PDLIM5: variants seen among roughly 807,000 people sequenced by gnomAD.
The protein encoded by PDLIM5 is PDZ and LIM domain 5, also known as PDZ and LIM domain protein 5.
PDLIM5 carries 34 observed loss-of-function variants against 64.2 expected under a neutral mutation model. The ratio of observed to expected loss-of-function variants is 0.53; its 90% CI spans 0.40 to 0.71. The LOEUF is 0.71. Ranked by LOEUF, PDLIM5 falls within the 30% of genes least tolerant of loss-of-function variation. The probability of loss-of-function intolerance (pLI) is 0.00; values close to 1 mark genes in which losing one functional copy is unlikely to be tolerated. For synonymous variants in PDLIM5, 253 were observed against 269.1 expected (o/e 0.94, Z 0.59); for missense variants, 683 against 733.6 (o/e 0.93, Z 0.80).
intron 7 of PDLIM5, among the ~76,000 whole-genome samples, chr4:94,586,706 C>T (rs112948587): frequency 6.6e-6 from 1 of 152,094 alleles, no homozygotes; most frequent in Non-Finnish European, 1.5e-5. Flanking sequence ...GGGTGCTTTG[C>T]TAACAATACA....
rs1237099361 is a variant in PDLIM5, at chr4:94,582,486, A to G, written c.711-3079A>G. On this transcript the variant is annotated intron_variant, in intron 5 of 12. Transcript: ENST00000317968. ...ACTGTTGTCTTGATTATAACAGTGT[A>G]GTAGAATTTTTACTAACATTTGTTC... 5 of 483,144 alleles carry G rather than the reference A, an allele frequency of 1.0e-5. No homozygotes were observed. The East Asian group carries it at 1.7e-4, about 16-fold the overall frequency. 29.9% of individuals were successfully genotyped at this position (483,144 alleles called of 1,614,324 possible).
chr4:94,522,103 T>C (rs1729881220), intron 2 of PDLIM5, among the ~76,000 whole-genome samples: 1 of 152,164 alleles, frequency 6.6e-6, no homozygotes. Flanking sequence ...TGAGATCGTC[T>C]AGTGCAGGCC....
chr4:94,631,873 T>C (rs1052850987), intron 8 of PDLIM5, among the ~76,000 whole-genome samples: 35 of 152,220 alleles, frequency 2.3e-4, no homozygotes, highest in Non-Finnish European at 4.9e-4. Flanking sequence ...TGCTGTACTT[T>C]CCCTGAAACA....
At chr4:94,495,459 TAAC>T (rs1285678073) in intron 2 of PDLIM5, among the ~76,000 whole-genome samples, 1 of 152,062 alleles carries the variant, frequency 6.6e-6, no homozygotes, top group African/African-American at 2.4e-5. Flanking sequence ...ATGTTGACCT[TAAC>T]AACATCTCCT....
intron 3 of PDLIM5, among the ~76,000 whole-genome samples, chr4:94,528,532 A>T (rs1730576699): frequency 6.6e-6 from 1 of 152,122 alleles, no homozygotes; most frequent in Non-Finnish European, 1.5e-5. Context: ...TTTGTATTTG[A>T]TAGCATCTTG....
chr4:94,500,809 A>T (rs1578260634), intron 2 of PDLIM5, among the ~76,000 whole-genome samples: 1 of 151,036 alleles, frequency 6.6e-6, no homozygotes, highest in Admixed American at 6.6e-5. Context: ...ATTTTTAGAC[A>T]GAATCTGGCT....
rs1043848 is a variant in PDLIM5 at position 94,666,524 on chromosome 4, T to C, written c.*2457T>C. ...GTACACTGTCACATCTTTACAGTCT[T>C]GTATGTTATAGAATACAAAATAAGT... On this transcript the variant is annotated 3_prime_UTR_variant, in exon 13 of 13. Coordinates refer to ENST00000317968, the MANE Select transcript of PDLIM5 (RefSeq NM_006457.5). 0.32 allele frequency: 48,375 copies of C among 153,138 alleles called. 7,836 individuals carry two copies. The highest frequency in any genetic ancestry group is 0.36 in the Non-Finnish European group (24,426 of 68,404). 9.5% of individuals were successfully genotyped at this position (153,138 alleles called of 1,614,324 possible). A position where few individuals can be genotyped will look rare whatever the true frequency, so the allele number is the denominator to read the frequency against.
At chr4:94,499,358 CAT>C (rs1560657920) in intron 2 of PDLIM5, among the ~76,000 whole-genome samples, 1 of 151,838 alleles carries the variant, frequency 6.6e-6, no homozygotes, top group East Asian at 1.9e-4. Flanking sequence ...TTGAATAAGT[CAT>C]ATATTCATAA....
chr4:94,525,385 T>G (rs1486621126), intron 3 of PDLIM5, among the ~76,000 whole-genome samples: 1 of 151,878 alleles, frequency 6.6e-6, no homozygotes, highest in Non-Finnish European at 1.5e-5. Context: ...GCCACTGCAC[T>G]CCAGCCTGGG....
At chr4:94,650,455 C>T (rs1183617252) in intron 9 of PDLIM5, among the ~76,000 whole-genome samples, 1 of 152,052 alleles carries the variant, frequency 6.6e-6, no homozygotes, top group Non-Finnish European at 1.5e-5. Context: ...CTTTGGGAAA[C>T]TTGTTTTTTA....
At chr4:94,508,822 T>C (rs1728620171) in intron 2 of PDLIM5, among the ~76,000 whole-genome samples, 1 of 152,214 alleles carries the variant, frequency 6.6e-6, no homozygotes. Flanking sequence ...ACCAACCTAA[T>C]ATGACTTTTG....
intron 3 of PDLIM5, among the ~76,000 whole-genome samples, chr4:94,524,735 T>C (rs1730188189): frequency 6.6e-6 from 1 of 152,156 alleles, no homozygotes; most frequent in African/African-American, 2.4e-5. Flanking sequence ...CTGGAGTGCT[T>C]GTTAAAAATA....
chr4:94,618,821 A>G (rs938400863), intron 8 of PDLIM5, among the ~76,000 whole-genome samples: 1 of 152,182 alleles, frequency 6.6e-6, no homozygotes, highest in Non-Finnish European at 1.5e-5. Flanking sequence ...ATCATTTCCT[A>G]TTTCTCCCAA....
At chr4:94,558,637 T>C (rs1350965279) in intron 3 of PDLIM5, among the ~76,000 whole-genome samples, 1 of 152,158 alleles carries the variant, frequency 6.6e-6, no homozygotes, top group African/African-American at 2.4e-5. Context: ...TTGTTTTATA[T>C]ACTGAACCTT....
intron 7 of PDLIM5, among the ~76,000 whole-genome samples, chr4:94,590,386 A>G (rs554211713): frequency 5.9e-5 from 9 of 152,334 alleles, no homozygotes; most frequent in South Asian, 2.1e-4. Context: ...ATTTAAAATC[A>G]TATAAATTGT....
At chr4:94,521,522 A>G (rs58152166) in intron 2 of PDLIM5, among the ~76,000 whole-genome samples, 2,918 of 152,012 alleles carry the variant, frequency 0.019, 82 homozygotes, top group African/African-American at 0.062. Flanking sequence ...TGATCTGAAA[A>G]TAAGGGTGAC....
chr4:94,586,085 A>G (rs1736171350), intron 6 of PDLIM5, among the ~76,000 whole-genome samples: 2 of 152,094 alleles, frequency 1.3e-5, no homozygotes, highest in South Asian at 2.1e-4. Flanking sequence ...CAGGAGAATC[A>G]TTTGAACCGG....
rs571948430 is a variant in PDLIM5 at position 94,656,511 on chromosome 4, G to A, written c.1465-916G>A. Among the ~76,000 whole-genome samples, 108 of 151,012 alleles carry A rather than the reference G, an allele frequency of 7.2e-4. 1 individual carries two copies. The South Asian group carries it at 0.02, about 29-fold the overall frequency. The stretch of plus-strand genomic sequence containing the variant: ...AGCTGATTTCCAAAAGCCTAAACAC[G>A]TGTTAAACTGATTGGATTACATTAT... On this transcript the variant is annotated intron_variant, in intron 10 of 12. Transcript: ENST00000317968.
At chr4:94,633,080 C>A (rs556164715) in intron 8 of PDLIM5, among the ~76,000 whole-genome samples, 1 of 152,120 alleles carries the variant, frequency 6.6e-6, no homozygotes, top group South Asian at 2.1e-4. Context: ...GTGATAATGG[C>A]ATTATGATTA....
Sources: allele counts gnomAD v4.1 joint callset (sites outside exome capture counted in the v4.1 genomes callset), GRCh38; gene constraint gnomAD v4.1.1; transcripts MANE v1.5; gene names NCBI Gene and HGNC (gene_info 2026-07-23, HGNC 2026-07-21).